SNX9: variants seen among roughly 807,000 people sequenced by gnomAD.
The protein encoded by SNX9 is sorting nexin-9.
SNX9 carries 44 observed loss-of-function variants against 89.4 expected under a neutral mutation model. The ratio of observed to expected loss-of-function variants is 0.49; its 90% confidence interval spans 0.39 to 0.63. The LOEUF (loss-of-function observed/expected upper bound fraction) is 0.63, where lower values mean the gene tolerates loss of function less well. Ranked by LOEUF, SNX9 falls within the 30% of genes least tolerant of loss-of-function variation. The pLI is 0.00. For missense variants in SNX9, 578 were observed against 736.1 expected (o/e 0.79, Z 2.49); for synonymous variants, 236 against 247.8 (o/e 0.95, Z 0.45).
chr6:157,894,380 G>C (rs951437348), intron 4 of SNX9, among the ~76,000 whole-genome samples: 2 of 148,144 alleles, frequency 1.4e-5, no homozygotes, highest in Non-Finnish European at 3.0e-5. Flanking sequence ...AAAGTGGTAG[G>C]ATTATAGGCA....
intron 1 of SNX9, among the ~76,000 whole-genome samples, chr6:157,835,800 A>G (rs942072762): frequency 6.6e-6 from 1 of 152,178 alleles, no homozygotes; most frequent in Non-Finnish European, 1.5e-5. Context: ...CTCCCTAGCC[A>G]TGCTGAACTG....
At chr6:157,914,881 G>A (rs771247481) in intron 9 of SNX9, among the ~76,000 whole-genome samples, 22 of 152,102 alleles carry the variant, frequency 1.4e-4, no homozygotes, top group South Asian at 1.2e-3. Context: ...AGGTGTCATG[G>A]CTAAGAGCAG....
chr6:157,892,353 G>T (rs1178982691), intron 4 of SNX9, among the ~76,000 whole-genome samples: 1 of 152,156 alleles, frequency 6.6e-6, no homozygotes, highest in Non-Finnish European at 1.5e-5. Flanking sequence ...AAGGCCATCT[G>T]CTGAGGGACT....
chr6:157,890,398 A>G (rs1782833378), intron 4 of SNX9, among the ~76,000 whole-genome samples: 2 of 152,234 alleles, frequency 1.3e-5, no homozygotes, highest in Admixed American at 6.5e-5. Flanking sequence ...TAAGTCTCCC[A>G]ATGTCAAGCC....
intron 5 of SNX9, among the ~76,000 whole-genome samples, chr6:157,900,432 G>T (rs570307069): frequency 1.1e-4 from 17 of 152,132 alleles, no homozygotes; most frequent in East Asian, 3.8e-4. Flanking sequence ...CCAGCAGCCC[G>T]CAATGCAACG....
chr6:157,905,227 G>A (rs1783186063), intron 6 of SNX9, among the ~76,000 whole-genome samples: 1 of 152,162 alleles, frequency 6.6e-6, no homozygotes, highest in South Asian at 2.1e-4. Context: ...TGAGAATGCA[G>A]GAAAAGAAGA....
intron 1 of SNX9, among the ~76,000 whole-genome samples, chr6:157,865,340 GA>G (rs541824549): frequency 1.9e-3 from 182 of 95,474 alleles, no homozygotes; most frequent in East Asian, 0.013. Context: ...ACAGTCTCAG[GA>G]AAAAAAAAAA....
intron 1 of SNX9, among the ~76,000 whole-genome samples, chr6:157,865,396 T>C (rs549378895): frequency 1.3e-5 from 2 of 152,090 alleles, no homozygotes; most frequent in East Asian, 1.9e-4. Flanking sequence ...CTGTCCACTT[T>C]TGCAGCCATG....
intron 1 of SNX9, among the ~76,000 whole-genome samples, chr6:157,863,256 T>C (rs560901164): frequency 6.6e-6 from 1 of 152,362 alleles, no homozygotes; most frequent in South Asian, 2.1e-4. Flanking sequence ...TCCTCTCTTT[T>C]CTCAGAAGAG....
chr6:157,840,441 T>C (rs1002804952), intron 1 of SNX9, among the ~76,000 whole-genome samples: 9 of 149,824 alleles, frequency 6.0e-5, no homozygotes, highest in Non-Finnish European at 7.4e-5. Flanking sequence ...TTCTTTCCTT[T>C]CTTTCCTTTC....
chr6:157,930,544 C>T (rs1178068845), intron 12 of SNX9, among the ~76,000 whole-genome samples: 3 of 152,192 alleles, frequency 2.0e-5, no homozygotes, highest in African/African-American at 7.2e-5. Context: ...CAGGTGCTCC[C>T]CATCACTCAC....
At chr6:157,826,511 A>T (rs901053002) in intron 1 of SNX9, among the ~76,000 whole-genome samples, 1 of 150,934 alleles carries the variant, frequency 6.6e-6, no homozygotes, top group Non-Finnish European at 1.5e-5. Context: ...AGAAAAAAAA[A>T]AAAAAAAGGA....
Position 157,932,177 on chromosome 6 carries a change from T to A in SNX9, c.1289-18T>A, listed in dbSNP as rs1195673291. ...GTTTGCTCAGAAGACTAATCGTTTA[T>A]TCCTTTTTGTCTTTCAGCATTACCC... On this transcript the variant is annotated intron_variant, in intron 12 of 17. Transcript: ENST00000392185. The A allele has an allele frequency of 1.2e-6, 2 of 1,611,074 alleles. No homozygotes were observed.
At chr6:157,879,391 A>G (rs966252778) in intron 4 of SNX9, among the ~76,000 whole-genome samples, 3 of 152,160 alleles carry the variant, frequency 2.0e-5, no homozygotes, top group Non-Finnish European at 4.4e-5. Flanking sequence ...AGTATGGGTA[A>G]TGTTATCTTT....
chr6:157,926,010 A>G (rs1443273110), intron 10 of SNX9, among the ~76,000 whole-genome samples: 5 of 152,208 alleles, frequency 3.3e-5, no homozygotes, highest in African/African-American at 1.2e-4. Flanking sequence ...CCCTCCATCA[A>G]GCCCTTTTAT....
At chr6:157,898,874 G>T (rs1414599148) in intron 5 of SNX9, among the ~76,000 whole-genome samples, 1 of 152,214 alleles carries the variant, frequency 6.6e-6, no homozygotes, top group East Asian at 1.9e-4. Context: ...CTGTCAGCAG[G>T]ACCAGGGGTG....
intron 4 of SNX9, among the ~76,000 whole-genome samples, chr6:157,884,583 TCA>T (rs1261904639): frequency 6.6e-6 from 1 of 152,186 alleles, no homozygotes; most frequent in Non-Finnish European, 1.5e-5. Context: ...TTCCATCTCT[TCA>T]CTCTCACTCC....
Position 157,921,526 on chromosome 6 carries a change from T to G in SNX9, c.950-5T>G, listed in dbSNP as rs1183430973. 1 of 1,612,856 alleles carries G rather than the reference T, an allele frequency of 6.2e-7. No homozygotes were observed. Among genetic ancestry groups the G allele is most frequent in the Admixed American group, 1.7e-5 (1 of 59,932 alleles). ...TGTATGTCATTCTTGGTGTGTCGCT[T>G]GCAGGCCGCTTTGAAGAGGAATTTA... On this transcript the variant is annotated splice_polypyrimidine_tract_variant and splice_region_variant and intron_variant, in intron 9 of 17. Transcript: ENST00000392185.
intron 1 of SNX9, among the ~76,000 whole-genome samples, chr6:157,847,155 T>C (rs964599093): frequency 7.2e-5 from 11 of 152,186 alleles, no homozygotes. Flanking sequence ...CAAGCTAGAA[T>C]GCAGTAGCAT....
Sources: allele counts gnomAD v4.1 joint callset (sites outside exome capture counted in the v4.1 genomes callset), GRCh38; gene constraint gnomAD v4.1.1; transcripts MANE v1.5; gene names NCBI Gene and HGNC (gene_info 2026-07-23, HGNC 2026-07-21).